KHDRBS3: variants seen among roughly 807,000 people sequenced by gnomAD.
The protein encoded by KHDRBS3 is KH RNA binding domain containing, signal transduction associated 3.
A neutral mutation model predicts 45.6 loss-of-function variants in KHDRBS3; 23 were observed. The ratio of observed to expected loss-of-function variants is 0.50; its 90% CI spans 0.36 to 0.72. KHDRBS3 has a LOEUF of 0.72. Among genes scored for constraint, KHDRBS3 ranks in the 30% least tolerant of loss-of-function variants. KHDRBS3 has a pLI of 0.00. For missense variants in KHDRBS3, 352 were observed against 424.8 expected, an observed-to-expected ratio of 0.83 and a Z score of 1.51; for synonymous variants, 162 against 156.5, an observed-to-expected ratio of 1.04 and a Z score of -0.26.
At chr8:135,590,403 C>T (rs781179354) in intron 6 of KHDRBS3, among the ~76,000 whole-genome samples, 4 of 152,092 alleles carry the variant, frequency 2.6e-5, no homozygotes, top group Non-Finnish European at 5.9e-5. Context: ...ACTATTTAAC[C>T]TTTCTGGGCC....
At chr8:135,537,821 A>G (rs1215583236) in intron 2 of KHDRBS3, among the ~76,000 whole-genome samples, 1 of 152,212 alleles carries the variant, frequency 6.6e-6, no homozygotes, top group Non-Finnish European at 1.5e-5. Flanking sequence ...ATATTAATGA[A>G]TATGTATTAA....
rs1586763124 is a variant in KHDRBS3, at chr8:135,587,399, C to T, written c.807+5326C>T. On this transcript the variant is annotated intron_variant, in intron 6 of 8. Coordinates refer to ENST00000355849, the MANE Select transcript of KHDRBS3 (RefSeq NM_006558.3). ...ACCAAATCCATCTCTCAGTAATTCT[C>T]CTTTTCAGAATAACTCTCAAACAAG... 1.3e-5 allele frequency among the ~76,000 whole-genome samples: 2 copies of T among 152,258 alleles called. 1 individual carries two copies. Among genetic ancestry groups the T allele is most frequent in the South Asian group, 4.1e-4 (2 of 4,822 alleles).
chr8:135,523,981 T>A (rs2130668953), intron 2 of KHDRBS3, among the ~76,000 whole-genome samples: 1 of 152,264 alleles, frequency 6.6e-6, no homozygotes, highest in South Asian at 2.1e-4. Context: ...TAGTGCTGGA[T>A]TCGGTTGCAT....
chr8:135,492,516 C>CATATATAT (rs3029812), intron 1 of KHDRBS3, among the ~76,000 whole-genome samples: 12 of 145,866 alleles, frequency 8.2e-5, no homozygotes, highest in East Asian at 8.0e-4. Flanking sequence ...TATATATATA[C>CATATATAT]ATATATATAT....
intron 5 of KHDRBS3, among the ~76,000 whole-genome samples, chr8:135,558,671 A>G (rs1827014283): frequency 1.3e-5 from 2 of 152,174 alleles, no homozygotes; most frequent in Non-Finnish European, 2.9e-5. Flanking sequence ...GTAAATGGTA[A>G]ATCTCTTTCA....
chr8:135,532,480 G>C (rs1825527413), intron 2 of KHDRBS3, among the ~76,000 whole-genome samples: 1 of 152,180 alleles, frequency 6.6e-6, no homozygotes, highest in Non-Finnish European at 1.5e-5. Flanking sequence ...TCTCCAAAGA[G>C]GAGTGCGTGC....
chr8:135,561,182 C>T (rs556857275), intron 5 of KHDRBS3, among the ~76,000 whole-genome samples: 2 of 152,280 alleles, frequency 1.3e-5, no homozygotes, highest in Admixed American at 1.3e-4. Context: ...TATATCTTTG[C>T]TCACTTGTTT....
At chr8:135,643,221 C>A (rs1831140122) in intron 7 of KHDRBS3, among the ~76,000 whole-genome samples, 1 of 152,206 alleles carries the variant, frequency 6.6e-6, no homozygotes, top group Admixed American at 6.5e-5. Flanking sequence ...ACCCTTGCTG[C>A]CATTGCCTCT....
At chr8:135,654,003 C>A (rs1410707197) in intron 4 of KHDRBS3, among the ~76,000 whole-genome samples, 4 of 152,168 alleles carry the variant, frequency 2.6e-5, no homozygotes. Flanking sequence ...CCCCCACACA[C>A]CCACAGGTAA....
chr8:135,464,782 A>G (rs1438688147), intron 1 of KHDRBS3, among the ~76,000 whole-genome samples: 1 of 152,200 alleles, frequency 6.6e-6, no homozygotes, highest in African/African-American at 2.4e-5. Context: ...TAGATGAGAA[A>G]ACCGAGGTCA....
intron 6 of KHDRBS3, among the ~76,000 whole-genome samples, chr8:135,606,459 A>C (rs1829467071): frequency 1.3e-5 from 2 of 152,132 alleles, no homozygotes; most frequent in South Asian, 4.1e-4. Flanking sequence ...CAAGGGGTGA[A>C]GTCTGAGTCA....
chr8:135,556,403 C>T (rs1252240151), intron 4 of KHDRBS3, among the ~76,000 whole-genome samples: 1 of 152,166 alleles, frequency 6.6e-6, no homozygotes, highest in Non-Finnish European at 1.5e-5. Context: ...TCTGTTGTTT[C>T]CTGACTTTTT....
intron 1 of KHDRBS3, among the ~76,000 whole-genome samples, chr8:135,485,842 T>TTTTATATATATATATATA: frequency 8.3e-6 from 1 of 120,324 alleles, no homozygotes; most frequent in South Asian, 2.5e-4. Flanking sequence ...CATTTCAAGT[T>TTTTATATATATATATATA]TATATATATA....
At chr8:135,499,563 T>A (rs1823628713) in intron 1 of KHDRBS3, among the ~76,000 whole-genome samples, 1 of 152,214 alleles carries the variant, frequency 6.6e-6, no homozygotes, top group Admixed American at 6.5e-5. Context: ...TAATTTCCTC[T>A]TTTTGGAGAT....
At chr8:135,584,275 A>G (rs564639879) in intron 6 of KHDRBS3, among the ~76,000 whole-genome samples, 1 of 152,310 alleles carries the variant, frequency 6.6e-6, no homozygotes, top group South Asian at 2.1e-4. Context: ...CCAGTGTTGT[A>G]ATTTGGCTGG....
Position 135,647,245 on chromosome 8 carries a change from G to GAA in KHDRBS3, c.*175_*176dup, listed in dbSNP as rs34118572. ...CTTTGTTGAAACATCAACCTGGGCA[G>GAA]AAAAAAAAAAAAAAAGACATGTAAA... On this transcript the variant is annotated 3_prime_UTR_variant, in exon 9 of 9. Coordinates refer to ENST00000355849, the MANE Select transcript of KHDRBS3 (RefSeq NM_006558.3). 0.29 allele frequency: 56,753 copies of GAA among 192,844 alleles called. 7,400 individuals are homozygous for GAA. Among genetic ancestry groups the GAA allele is most frequent in the Non-Finnish European group, 0.31 (31,583 of 101,452 alleles). The allele number at this position is 192,844 out of a possible 1,614,324, so 11.9% of individuals were successfully genotyped here.
At chr8:135,562,675 G>C (rs900168568) in intron 5 of KHDRBS3, among the ~76,000 whole-genome samples, 1 of 152,168 alleles carries the variant, frequency 6.6e-6, no homozygotes, top group African/African-American at 2.4e-5. Context: ...CCAAGGGTAA[G>C]GTCAGTACAC....
chr8:135,513,420 A>G (rs1022398990), intron 1 of KHDRBS3, among the ~76,000 whole-genome samples: 5 of 152,184 alleles, frequency 3.3e-5, no homozygotes, highest in African/African-American at 1.2e-4. Flanking sequence ...TATGGGGGGC[A>G]GGCGCTGTTA....
At chr8:135,594,028 T>C (rs1828866149) in intron 6 of KHDRBS3, among the ~76,000 whole-genome samples, 1 of 152,146 alleles carries the variant, frequency 6.6e-6, no homozygotes, top group Non-Finnish European at 1.5e-5. Flanking sequence ...GGGAGGATCT[T>C]AGTGTGCTGC....
Sources: gnomAD v4.1 joint callset for allele counts (sites outside exome capture counted in the v4.1 genomes callset) on GRCh38, gnomAD v4.1.1 for gene constraint, MANE v1.5 for transcripts, NCBI Gene and HGNC (gene_info 2026-07-23, HGNC 2026-07-21) for gene names.